Variants in LMAN1L observed in about 807,000 individuals in gnomAD.
The protein encoded by LMAN1L is lectin, mannose binding 1 like.
Under a neutral mutation model 58.3 loss-of-function variants are expected in LMAN1L, and 60 were observed. The ratio of observed to expected loss-of-function variants is 1.03; its 90% CI spans 0.84 to 1.27. The LOEUF is 1.27. Ranked by LOEUF, LMAN1L falls within the 50% of genes most tolerant of loss-of-function variation. The probability of loss-of-function intolerance (pLI) is 0.00; values close to 1 mark genes in which losing one functional copy is unlikely to be tolerated. For missense variants in LMAN1L, 629 were observed against 674.0 expected, an observed-to-expected ratio of 0.93 and a Z score of 0.74; for synonymous variants, 280 against 271.6, an observed-to-expected ratio of 1.03 and a Z score of -0.31.
intron 4 of LMAN1L, 137 bp downstream of exon 4, chr15:74,816,827 T>A: frequency 1.2e-6 from 1 of 814,644 alleles, no homozygotes; most frequent in Non-Finnish European, 1.9e-6. Flanking sequence ...CTGGACTCTC[T>A]CACTTAGCCG....
chr15:74,819,957 G>A, intron 6 of LMAN1L, 87 bp from the exon 7 acceptor site: 1 of 1,253,600 alleles, frequency 8.0e-7, no homozygotes. Context: ...TTGCCTCGGT[G>A]GGATATCATG....
At position 74,825,689 on chromosome 15, in the gene LMAN1L, G is replaced by A; in HGVS notation, c.*84G>A. 1 of 1,425,928 alleles carries A rather than the reference G, an allele frequency of 7.0e-7. No homozygotes were observed. Among genetic ancestry groups the A allele is most frequent in the South Asian group, 1.2e-5 (1 of 81,910 alleles). The allele number at this position is 1,425,928 out of a possible 1,614,324, so 88.3% of individuals were successfully genotyped here. On this transcript the variant is annotated 3_prime_UTR_variant, in exon 14 of 14. Transcript: ENST00000309664. The stretch of plus-strand genomic sequence containing the variant: ...TGGTCAGTATCCTCTCCGTCTGGGT[G>A]CCCAGCTCCCACGCACACCTGAGCT...
Position 74,821,224 on chromosome 15 carries a change from T to A in LMAN1L, c.1057T>A (p.Trp353Arg), listed in dbSNP as rs1287231248. The change falls in exon 9 of 14, where the codon TGG (tryptophan) becomes AGG (arginine). Residue 353 changes from tryptophan to arginine, a missense_variant and splice_region_variant. Transcript: ENST00000309664. ...AGGCCAAGCCAGGCCTGACGGAGGC[T>A]GGGTGAGAAGCCCTACAGGCATCCA... ...PPGQARPDGG[W>R]ALDASCQIPS... 3.9e-6 allele frequency: 6 copies of A among 1,548,902 alleles called. No homozygotes were observed.
intron 5 of LMAN1L, 116 bp downstream of exon 5, chr15:74,818,933 C>G (rs1049251426): frequency 2.7e-5 from 28 of 1,038,234 alleles, no homozygotes; most frequent in Admixed American, 1.2e-4. Context: ...CTGGCACACA[C>G]GGGCCAACAT....
chr15:74,825,424 A>G, intron 13 of LMAN1L, 52 bp from the exon 14 acceptor site: 1 of 1,565,768 alleles, frequency 6.4e-7, no homozygotes, highest in East Asian at 2.3e-5. Context: ...GGTTTTTCAA[A>G]AGCCCATAAA....
intron 1 of LMAN1L, chr15:74,813,616 C>A: frequency 5.4e-6 from 2 of 372,052 alleles, no homozygotes; most frequent in South Asian, 4.0e-5. Context: ...AGATCTTGTT[C>A]AAAAAAGGGT....
chr15:74,824,559 G>T, intron 13 of LMAN1L, 81 bp downstream of exon 13: 5 of 1,516,796 alleles, frequency 3.3e-6, no homozygotes, highest in Non-Finnish European at 4.5e-6. Flanking sequence ...TTAGGAGAGG[G>T]GACACTTCAG....
chr15:74,825,750 C>T lies in LMAN1L; in HGVS notation c.*145C>T. 2.7e-6 allele frequency: 2 copies of T among 737,250 alleles called. No individual in the cohort carries two copies. The highest frequency in any genetic ancestry group is 2.2e-6 in the Non-Finnish European group (1 of 455,822). 45.7% of individuals were successfully genotyped at this position (737,250 alleles called of 1,614,324 possible). On this transcript the variant is annotated 3_prime_UTR_variant, in exon 14 of 14. Coordinates refer to ENST00000309664, the MANE Select transcript of LMAN1L (RefSeq NM_021819.3). ...TCCCACCTCGTTAAAGGTGATTTCC[C>T]TCTCCCCATGCTGTGATATGCTGGT...
chr15:74,819,355 G>GC, intron 6 of LMAN1L, 83 bp downstream of exon 6: 1 of 1,522,308 alleles, frequency 6.6e-7, no homozygotes, highest in South Asian at 1.3e-5. Context: ...GAGCACTGGG[G>GC]TGGCGTCAGC....
intron 1 of LMAN1L, among the ~76,000 whole-genome samples, chr15:74,814,007 T>C (rs1660903887): frequency 6.6e-6 from 1 of 151,144 alleles, no homozygotes; most frequent in African/African-American, 2.4e-5. Context: ...GCGCCTGTAG[T>C]CCCAGCTCCT....
chr15:74,823,076 G>A (rs555559924), intron 11 of LMAN1L, among the ~76,000 whole-genome samples: 2 of 152,290 alleles, frequency 1.3e-5, no homozygotes, highest in Non-Finnish European at 2.9e-5. Flanking sequence ...CCAGTTGGAT[G>A]AGACAGTCCC....
In LMAN1L at chr15:74,823,545, C is replaced by T. The variant is rs2063926757; in HGVS notation, c.1200-14C>T. The T allele has an allele frequency of 3.1e-6, 5 of 1,613,332 alleles. No individual in the cohort carries two copies. The highest frequency in any genetic ancestry group is 1.7e-4 in the Middle Eastern group (1 of 6,050). ...GGTAATGAGTCATCTTACTTGGTTA[C>T]CACCCCCGGTTAGGGATGCAGCTGT... is the stretch of plus-strand genomic sequence containing the variant. On this transcript the variant is annotated splice_polypyrimidine_tract_variant and intron_variant, in intron 11 of 13. Coordinates refer to ENST00000309664, the MANE Select transcript of LMAN1L (RefSeq NM_021819.3).
chr15:74,815,225 T>C (rs1043311134), intron 1 of LMAN1L, among the ~76,000 whole-genome samples: 4 of 152,212 alleles, frequency 2.6e-5, no homozygotes, highest in Non-Finnish European at 5.9e-5. Context: ...CCAGAGGCCC[T>C]GGGACTTGTG....
intron 2 of LMAN1L, 29 bp downstream of exon 2, chr15:74,816,340 G>A: frequency 6.2e-7 from 1 of 1,609,152 alleles, no homozygotes; most frequent in Non-Finnish European, 8.5e-7. Flanking sequence ...AGCTGACAGA[G>A]CGGGGTGGGT....
rs1167897043 is a variant in LMAN1L at position 74,816,287 on chromosome 15, G to A, written c.306G>A (p.Leu102=). ...AGGTGCAGATGAGGGTGACGGGACT[G>A]GGGCGCCGGGGAGCCCAGGGCATGG... The part of the protein sequence containing the change: ...EVEVQMRVTG[L]GRRGAQGMAV... The change falls in exon 2 of 14, where the codon CTG becomes CTA. Residue 102 remains leucine (L), a synonymous_variant. Transcript: ENST00000309664. 1 of 1,612,234 alleles carries A rather than the reference G, an allele frequency of 6.2e-7. No homozygotes were observed.
rs2063872193 is a variant in LMAN1L at position 74,812,941 on chromosome 15, TCTACG to T, written c.89_93del (p.Leu30GlnfsTer3). Reference sequence around the variant, plus strand: ...ACAGCCCTGAGACGGGGTGTCCTCCTCTACGCAGGTTTGAGTACAAGCTCAGCTTC... The same window carrying T: ...ACAGCCCTGAGACGGGGTGTCCTCCTCAGGTTTGAGTACAAGCTCAGCTTC... On this transcript the variant is annotated frameshift_variant, in exon 1 of 14. Transcript: ENST00000309664. LOFTEE classifies it high-confidence loss of function. The T allele has an allele frequency of 6.2e-7, 1 of 1,613,996 alleles. No homozygotes were observed. The highest frequency in any genetic ancestry group is 1.7e-5 in the Admixed American group (1 of 59,998).
chr15:74,824,499 G>C (rs576257458), intron 13 of LMAN1L, 21 bp downstream of exon 13: 4 of 1,613,844 alleles, frequency 2.5e-6, no homozygotes, highest in Non-Finnish European at 3.4e-6. Flanking sequence ...CCGTGAGCAG[G>C]ATTTCCCACA....
chr15:74,824,581 C>A, intron 13 of LMAN1L, 103 bp downstream of exon 13: 1 of 1,320,804 alleles, frequency 7.6e-7, no homozygotes, highest in Non-Finnish European at 1.1e-6. Flanking sequence ...TCAGAGGGGA[C>A]CTGCCGAGTC....
At chr15:74,824,712 C>A in intron 13 of LMAN1L, 1 of 471,708 alleles carries the variant, frequency 2.1e-6, no homozygotes, top group Middle Eastern at 5.3e-4. Flanking sequence ...TCACACAGGT[C>A]TAACTGACCC....
Sources: gnomAD v4.1 joint callset for allele counts (sites outside exome capture counted in the v4.1 genomes callset) on GRCh38, gnomAD v4.1.1 for gene constraint, MANE v1.5 for transcripts, NCBI Gene and HGNC (gene_info 2026-07-23, HGNC 2026-07-21) for gene names.